HSPH1: variants seen among roughly 807,000 people sequenced by gnomAD.
The protein encoded by HSPH1 is heat shock protein 105 kDa.
HSPH1 carries 40 observed loss-of-function variants against 100.0 expected under a neutral mutation model. That is an observed-to-expected ratio of 0.40 (90% CI 0.31 to 0.52). The LOEUF is 0.52. HSPH1 is among the 20% of genes least tolerant of loss of function. The pLI is 0.54. For missense variants in HSPH1, 876 were observed against 1,015.1 expected (o/e 0.86, Z 1.86); for synonymous variants, 403 against 344.0 (o/e 1.17, Z -1.90).
In HSPH1 at chr13:31,161,865, C is replaced by G. The variant is rs1956932880; in HGVS notation, c.-283G>C. 4 of 1,484,024 alleles carry G rather than the reference C, an allele frequency of 2.7e-6. No individual in the cohort carries two copies. Among genetic ancestry groups the G allele is most frequent in the Non-Finnish European group, 3.6e-6 (4 of 1,118,914 alleles). The allele number at this position is 1,484,024 out of a possible 1,614,324, so 91.9% of individuals were successfully genotyped here. On this transcript the variant is annotated 5_prime_UTR_variant, in exon 1 of 18. Coordinates refer to ENST00000320027, the MANE Select transcript of HSPH1 (RefSeq NM_006644.4). The stretch of plus-strand genomic sequence containing the variant: ...CCTCGGGTTGCCTGCCTCACTCTGC[C>G]GCGGCTCGCACACCGGCGCCGGCGC...
intron 4 of HSPH1, 114 bp downstream of exon 4, chr13:31,154,519 G>C: frequency 1.7e-6 from 2 of 1,183,998 alleles, no homozygotes; most frequent in Non-Finnish European, 2.5e-6. Context: ...ATACAGTCCA[G>C]TAGAACACGG....
rs1201626092 is a variant in HSPH1 at position 31,150,332 on chromosome 13, G to T, written c.909-150C>A. 8.5e-6 allele frequency: 5 copies of T among 585,302 alleles called. No homozygotes were observed. The African/African-American group carries it at 9.4e-5, about 11-fold the overall frequency. The allele number at this position is 585,302 out of a possible 1,614,324, so 36.3% of individuals were successfully genotyped here. A position where few individuals can be genotyped will look rare whatever the true frequency, so the allele number is the denominator to read the frequency against. ...CTGTATTGTAGTTTATAGCTCTTTT[G>T]TTTTTGATAAATACACCAAACAGGT... On this transcript the variant is annotated intron_variant, in intron 7 of 17. Transcript: ENST00000320027.
In HSPH1 at chr13:31,140,193, T is replaced by C. The variant is rs1956039293; in HGVS notation, c.1971A>G (p.Ile657Met). The change falls in exon 14 of 18, where the codon ATA becomes ATG. Residue 657 changes from isoleucine (I) to methionine (M), a missense_variant. By Grantham distance (10) the Ile-to-Met change is conservative (BLOSUM62 1). Coordinates refer to ENST00000320027, the MANE Select transcript of HSPH1 (RefSeq NM_006644.4). ...GAGCTCTAAGACATACCTGCTCACA[T>C]ATAAATTTTTCATATGGTCCACACA... ...DKLCGPYEKF[I>M]CEQDHQNFLR... is the part of the protein sequence containing the mutation. 6 of 1,610,904 alleles carry C rather than the reference T, an allele frequency of 3.7e-6. No homozygotes were observed. The highest frequency in any genetic ancestry group is 1.3e-5 in the African/African-American group (1 of 74,796).
At position 31,138,517 on chromosome 13, in the gene HSPH1, A is replaced by T. The variant is rs1316799370; in HGVS notation, c.2260T>A (p.Ser754Thr). 1 of 1,612,828 alleles carries T rather than the reference A, an allele frequency of 6.2e-7. No homozygotes were observed. Among genetic ancestry groups the T allele is most frequent in the Non-Finnish European group, 8.5e-7 (1 of 1,179,206 alleles). The part of the protein sequence containing the change: ...DESEMKKVEK[S>T]VNEVMEWMNN... ...ATCCATTCCATCACTTCATTAACAG[A>T]CTTCTCCACTTTTTTCATTTCAGAC... The change falls in exon 17 of 18, where the codon TCT becomes ACT. Residue 754 changes from serine (S) to threonine (T), a missense_variant. Physicochemically the swap from Ser to Thr is moderately conservative, Grantham distance 58. Transcript: ENST00000320027.
chr13:31,154,691 T>A lies in HSPH1; in HGVS notation c.371A>T (p.Lys124Met). The change falls in exon 4 of 18, where the codon AAG (lysine) becomes ATG (methionine). Residue 124 changes from lysine (K) to methionine (M), a missense_variant. Physicochemically the swap from Lys to Met is moderately conservative, Grantham distance 95. Coordinates refer to ENST00000320027, the MANE Select transcript of HSPH1 (RefSeq NM_006644.4). ...VEQITAMLLTKLKETAENSLK... is the reference protein window; with the variant it reads ...VEQITAMLLTMLKETAENSLK... Reference sequence around the variant, plus strand: ...GCTGTTTTCAGCAGTTTCCTTCAGCTTAGTCAACAACATGGCTGTTATCTG... The same window carrying A: ...GCTGTTTTCAGCAGTTTCCTTCAGCATAGTCAACAACATGGCTGTTATCTG... 6.2e-7 allele frequency: 1 copy of A among 1,613,928 alleles called. No homozygotes were observed. Among genetic ancestry groups the A allele is most frequent in the South Asian group, 1.1e-5 (1 of 91,078 alleles).
chr13:31,138,783 T>G lies in HSPH1; in HGVS notation c.2206A>C (p.Lys736Gln). The G allele has an allele frequency of 1.2e-6, 2 of 1,603,692 alleles. No individual in the cohort carries two copies. The highest frequency in any genetic ancestry group is 1.7e-6 in the Non-Finnish European group (2 of 1,177,300). ...TATGTACAAAAAGACTGACTCACCTTATTTCTGAAGTCAGCTGCTATCTTG... is the reference window on the plus strand; with the variant it reads ...TATGTACAAAAAGACTGACTCACCTGATTTCTGAAGTCAGCTGCTATCTTG... ...YAKIAADFRN[K>Q]DEKYNHIDES... Residue 736 changes from lysine to glutamine, a missense_variant and splice_region_variant, in exon 16 of 18, where the codon AAG (lysine) becomes CAG (glutamine). Transcript: ENST00000320027.
At position 31,140,304 on chromosome 13, in the gene HSPH1, C is replaced by T. The variant is rs373644441; in HGVS notation, c.1860G>A (p.Lys620=). ...TTTCCAATTTATCTTGCATTATCAT[C>T]TTACCCTGTCAGGAAACAGGAAAGG... The part of the protein sequence containing the change: ...LLNMYIETEG[K]MIMQDKLEKE... The change falls in exon 14 of 18, where the codon AAG becomes AAA. Residue 620 remains lysine, a synonymous_variant. Coordinates refer to ENST00000320027, the MANE Select transcript of HSPH1 (RefSeq NM_006644.4). 8.7e-6 allele frequency: 14 copies of T among 1,608,848 alleles called. No individual in the cohort carries two copies. In the Admixed American group the frequency reaches 1.2e-4, roughly 13 times the overall value.
At position 31,138,767 on chromosome 13, in the gene HSPH1, A is replaced by G; in HGVS notation, c.2208+14T>C. On this transcript the variant is annotated intron_variant, in intron 16 of 17. Coordinates refer to ENST00000320027, the MANE Select transcript of HSPH1 (RefSeq NM_006644.4). ...AGGTTAACTTCCTCCCTATGTACAA[A>G]AAGACTGACTCACCTTATTTCTGAA... 5.0e-6 allele frequency: 8 copies of G among 1,596,978 alleles called. No homozygotes were observed. Among genetic ancestry groups the G allele is most frequent in the Non-Finnish European group, 6.0e-6 (7 of 1,175,354 alleles).
rs770010211 is a variant in HSPH1, at chr13:31,150,121, G to C, written c.970C>G (p.Leu324Val). The C allele has an allele frequency of 1.2e-6, 2 of 1,612,748 alleles. No homozygotes were observed. Among genetic ancestry groups the C allele is most frequent in the Non-Finnish European group, 1.7e-6 (2 of 1,179,052 alleles). ...LQKIEVPLYS[L>V]LEQTHLKVED... Reference sequence around the variant, plus strand: ...ACTTTGAGATGAGTTTGTTCCAACAGTGAATAAAGGGGTACTTCTATCTTT... The same window carrying C: ...ACTTTGAGATGAGTTTGTTCCAACACTGAATAAAGGGGTACTTCTATCTTT... The change falls in exon 8 of 18, where the codon CTG becomes GTG. Residue 324 changes from leucine (L) to valine (V), a missense_variant. By Grantham distance (32) the Leu-to-Val change is conservative. Transcript: ENST00000320027.
chr13:31,152,855 C>T lies in HSPH1; in HGVS notation c.526G>A (p.Ala176Thr), dbSNP rs1360522441. The change falls in exon 5 of 18, where the codon GCT becomes ACT. Residue 176 changes from alanine to threonine, a missense_variant. Physicochemically the swap from Ala to Thr is moderately conservative, Grantham distance 58 (BLOSUM62 0). Transcript: ENST00000320027. Reference sequence around the variant, plus strand: ...CACACAAATGCCTTTTCCTTACCAGCTGTCATGTCATTCATAAGTCTTAAA... The same window carrying T: ...CACACAAATGCCTTTTCCTTACCAGTTGTCATGTCATTCATAAGTCTTAAA... ...NCLRLMNDMT[A>T]VALNYGIYKQ... 2 of 1,602,618 alleles carry T rather than the reference C, an allele frequency of 1.2e-6. No individual in the cohort carries two copies. Among genetic ancestry groups the T allele is most frequent in the Non-Finnish European group, 1.7e-6 (2 of 1,169,880 alleles).
rs1345748851 is a variant in HSPH1 at position 31,136,090 on chromosome 13, C to T, written c.*1228G>A. On this transcript the variant is annotated 3_prime_UTR_variant, in exon 18 of 18. Coordinates refer to ENST00000320027, the MANE Select transcript of HSPH1 (RefSeq NM_006644.4). ...TATCCTAAGTGCATGTGTCTTCTCCCCTACCTCCAACACTACTTCAATTTT... is the reference window on the plus strand; with the variant it reads ...TATCCTAAGTGCATGTGTCTTCTCCTCTACCTCCAACACTACTTCAATTTT... The T allele has an allele frequency of 6.6e-6, 1 of 152,182 alleles. No homozygotes were observed. The highest frequency in any genetic ancestry group is 1.5e-5 in the Non-Finnish European group (1 of 68,036). The allele number at this position is 152,182 out of a possible 1,614,324, so 9.4% of individuals were successfully genotyped here.
rs983403757 is a variant in HSPH1 at position 31,135,746 on chromosome 13, G to A, written c.*1572C>T. ...AGGAAATAAACCTCAGCAGTCAAGTGTTACTAAACCTCATAGTTTGAAGAT... is the reference window on the plus strand; with the variant it reads ...AGGAAATAAACCTCAGCAGTCAAGTATTACTAAACCTCATAGTTTGAAGAT... On this transcript the variant is annotated 3_prime_UTR_variant, in exon 18 of 18. Transcript: ENST00000320027. The A allele has an allele frequency of 8.5e-5, 13 of 152,222 alleles. No individual in the cohort carries two copies. The highest frequency in any genetic ancestry group is 1.3e-4 in the Non-Finnish European group (9 of 68,036). 9.4% of individuals were successfully genotyped at this position (152,222 alleles called of 1,614,324 possible).
chr13:31,140,088 A>T, intron 14 of HSPH1, 96 bp downstream of exon 14: 1 of 1,204,106 alleles, frequency 8.3e-7, no homozygotes, highest in Non-Finnish European at 1.1e-6. Flanking sequence ...AGTTTAAGTT[A>T]CATAATTGAG....
At chr13:31,153,443 CTCT>C (rs1171466164) in intron 4 of HSPH1, among the ~76,000 whole-genome samples, 1 of 152,204 alleles carries the variant, frequency 6.6e-6, no homozygotes, top group Non-Finnish European at 1.5e-5. Context: ...CACTGAGGTG[CTCT>C]TTAATTCAGT....
intron 13 of HSPH1, 148 bp from the exon 14 acceptor site, chr13:31,140,457 T>C (rs1956049250): frequency 1.2e-5 from 6 of 507,554 alleles, no homozygotes; most frequent in Non-Finnish European, 1.9e-5. Flanking sequence ...AAACTCTTCC[T>C]ACAAACCAAA....
At chr13:31,160,812 C>G (rs1248002994) in intron 1 of HSPH1, among the ~76,000 whole-genome samples, 1 of 152,196 alleles carries the variant, frequency 6.6e-6, no homozygotes, top group Non-Finnish European at 1.5e-5. Context: ...CATCTTTCGA[C>G]AATGATCCCG....
In HSPH1 at chr13:31,161,632, G is replaced by A. The variant is rs769126883; in HGVS notation, c.-50C>T. On this transcript the variant is annotated 5_prime_UTR_variant, in exon 1 of 18. Coordinates refer to ENST00000320027, the MANE Select transcript of HSPH1 (RefSeq NM_006644.4). ...CTCGGGTCTCGGTCTGCGTCCTCCG[G>A]CCCCCTGCCTGCTTCTCCTGCCGCC... 20 of 1,602,426 alleles carry A rather than the reference G, an allele frequency of 1.2e-5. No individual in the cohort carries two copies. Among genetic ancestry groups the A allele is most frequent in the Non-Finnish European group, 1.6e-5 (19 of 1,178,328 alleles).
rs1003015722 is a variant in HSPH1, at chr13:31,143,781, G to A, written c.1716+11C>T. ...CATTGTCTAATGGAATGAACTAGAA[G>A]AGTCACTCACTTTGTCAGCATCTGG... On this transcript the variant is annotated intron_variant, in intron 12 of 17. Coordinates refer to ENST00000320027, the MANE Select transcript of HSPH1 (RefSeq NM_006644.4). 3.7e-6 allele frequency: 6 copies of A among 1,601,510 alleles called. No homozygotes were observed. The Admixed American group carries it at 8.6e-5, about 23-fold the overall frequency.
intron 1 of HSPH1, 101 bp from the exon 2 acceptor site, chr13:31,158,964 T>C (rs1320496824): frequency 2.3e-5 from 17 of 744,728 alleles, no homozygotes; most frequent in South Asian, 3.0e-5. Flanking sequence ...CATTAGGGGA[T>C]AGGGAACAAG....
Sources: allele counts gnomAD v4.1 joint callset (sites outside exome capture counted in the v4.1 genomes callset), GRCh38; gene constraint gnomAD v4.1.1; transcripts MANE v1.5; gene names NCBI Gene and HGNC (gene_info 2026-07-23, HGNC 2026-07-21).